Variants in GDF5 observed in about 807,000 individuals in gnomAD.
GDF5 encodes the protein growth differentiation factor 5, also known as growth/differentiation factor 5.
Under a neutral mutation model 34.6 loss-of-function variants are expected in GDF5, and 17 were observed. That is an observed-to-expected ratio of 0.49 (90% confidence interval 0.34 to 0.74). The LOEUF is 0.74. Ranked by LOEUF, GDF5 falls within the 30% of genes least tolerant of loss-of-function variation. The pLI is 0.01. For missense variants in GDF5, 616 were observed against 661.2 expected, an observed-to-expected ratio of 0.93 and a Z score of 0.75; for synonymous variants, 332 against 290.7, an observed-to-expected ratio of 1.14 and a Z score of -1.44.
At chr20:35,440,163 C>A (rs947689112), upstream of GDF5, among the ~76,000 whole-genome samples, 1 of 151,178 alleles carries the variant, frequency 6.6e-6, no homozygotes, top group South Asian at 2.1e-4. Context: ...GTGATCCACC[C>A]ACCTTGGCCT....
rs77547799 is a variant in GDF5, at chr20:35,452,971, C to G, written c.-398+1669G>C. Among the ~76,000 whole-genome samples the G allele has an allele frequency of 8.3e-3, 1,261 of 152,006 alleles. 21 individuals are homozygous for G. Among genetic ancestry groups the G allele is most frequent in the African/African-American group, 0.029 (1,189 of 41,452 alleles). Reference sequence around the variant, plus strand: ...TGCTATGAAAGAAACAGAAGACGGCCGGGTGCGGTGGCGCATGCCTGTAAT... The same window carrying G: ...TGCTATGAAAGAAACAGAAGACGGCGGGGTGCGGTGGCGCATGCCTGTAAT... On this transcript the variant is annotated intron_variant, in intron 1 of 3. Transcript: ENST00000374372.
At chr20:35,452,804 G>GATTC (rs1333937384) in intron 1 of GDF5, among the ~76,000 whole-genome samples, 1 of 152,206 alleles carries the variant, frequency 6.6e-6, no homozygotes, top group Admixed American at 6.5e-5. Flanking sequence ...GGGCTGACTT[G>GATTC]ATTCATTCAT....
At chr20:35,435,219 G>A (rs528673924) in intron 1 of GDF5, 97 of 353,224 alleles carry the variant, frequency 2.7e-4, no homozygotes, top group African/African-American at 1.9e-3. Context: ...GGGAGGCTGA[G>A]GTGGGTGGAT....
At chr20:35,446,743 GA>G (rs2062515285) in intron 1 of GDF5, among the ~76,000 whole-genome samples, 1 of 152,046 alleles carries the variant, frequency 6.6e-6, no homozygotes, top group Admixed American at 6.6e-5. Flanking sequence ...AAAGACGACC[GA>G]GCTAGAATTC....
intron 1 of GDF5, among the ~76,000 whole-genome samples, chr20:35,452,957 A>G (rs1454412817): frequency 6.6e-6 from 1 of 152,166 alleles, no homozygotes; most frequent in East Asian, 1.9e-4. Flanking sequence ...GCTATGAAAG[A>G]AACAGAAGAC....
chr20:35,435,263 C>A (rs1203757969), intron 1 of GDF5: 9 of 261,772 alleles, frequency 3.4e-5, no homozygotes, highest in Non-Finnish European at 6.0e-5. Flanking sequence ...CCAGCCTGCA[C>A]AACATGGTGA....
intron 1 of GDF5, among the ~76,000 whole-genome samples, chr20:35,436,685 A>G (rs1051893755): frequency 6.6e-6 from 1 of 152,254 alleles, no homozygotes; most frequent in Non-Finnish European, 1.5e-5. Flanking sequence ...GTCCAACCCC[A>G]TATAGGTGTA....
intron 1 of GDF5, among the ~76,000 whole-genome samples, chr20:35,436,275 C>T (rs1043178123): frequency 6.6e-6 from 1 of 152,246 alleles, no homozygotes; most frequent in African/African-American, 2.4e-5. Context: ...GCTGGGCAGG[C>T]AGCCAGACCA....
chr20:35,453,362 A>G (rs2146594175), intron 1 of GDF5, among the ~76,000 whole-genome samples: 1 of 152,370 alleles, frequency 6.6e-6, no homozygotes, highest in East Asian at 1.9e-4. Context: ...CCTGAAGGAC[A>G]GGAAGGTACC....
At position 35,437,771 on chromosome 20, in the gene GDF5, A is replaced by AG. The variant is rs778834209; in HGVS notation, c.157dup (p.Leu53ProfsTer41). 7 of 1,608,314 alleles carry AG rather than the reference A, an allele frequency of 4.4e-6. No homozygotes were observed. The highest frequency in any genetic ancestry group is 2.2e-5 in the East Asian group (1 of 44,778). ...CCCTGGCCTGAAGACGTTCCGGGCC[A>AG]GGGGGGGCCTCTCCTTGGCCTCTGC... On this transcript the variant is annotated frameshift_variant, in exon 1 of 2. Transcript: ENST00000374369. LOFTEE classifies it high-confidence loss of function.
chr20:35,450,003 AG>A (rs1427050922), intron 1 of GDF5, among the ~76,000 whole-genome samples: 5 of 149,140 alleles, frequency 3.4e-5, no homozygotes, highest in African/African-American at 1.2e-4. Context: ...AAAAAAAAAA[AG>A]AGAGAGAGAG....
chr20:35,444,372 G>A (rs2062507477), intron 1 of GDF5, among the ~76,000 whole-genome samples: 1 of 152,168 alleles, frequency 6.6e-6, no homozygotes, highest in Admixed American at 6.6e-5. Flanking sequence ...GTGAGAAAAC[G>A]AGACATACTG....
chr20:35,437,347 C>A lies in GDF5; in HGVS notation c.582G>T (p.Leu194Phe). 6 of 1,613,412 alleles carry A rather than the reference C, an allele frequency of 3.7e-6. No homozygotes were observed. Among genetic ancestry groups the A allele is most frequent in the Non-Finnish European group, 5.1e-6 (6 of 1,179,626 alleles). The change falls in exon 1 of 2, where the codon TTG becomes TTT. Residue 194 changes from leucine to phenylalanine, a missense_variant. Leu to Phe is a conservative substitution (Grantham distance 22, BLOSUM62 0). Transcript: ENST00000374369. ...DRKGGNSSVK[L>F]EAGLANTITS... is the part of the protein sequence containing the mutation. ...TGATGGTGTTGGCCAGGCCAGCCTC[C>A]AACTTCACGCTGCTGTTGCCTCCCT...
intron 1 of GDF5, among the ~76,000 whole-genome samples, chr20:35,451,042 GAAAAAAAAA>G (rs1157980088): frequency 0.016 from 268 of 16,516 alleles, 19 homozygotes; most frequent in African/African-American, 0.047. Context: ...TAGACTAACA[GAAAAAAAAA>G]AAAAAAAAAA....
At chr20:35,452,392 A>G (rs746836503) in intron 1 of GDF5, among the ~76,000 whole-genome samples, 9 of 152,214 alleles carry the variant, frequency 5.9e-5, no homozygotes, top group Non-Finnish European at 1.2e-4. Context: ...TTGGTTTGGT[A>G]TATCTTGGTA....
rs150002208 is a variant in GDF5 at position 35,437,627 on chromosome 20, G to A, written c.302C>T (p.Pro101Leu). ...KDEPKKLPPR[P>L]GGPEPKPGHP... ...TCCTGGCTTGGGTTCAGGGCCGCCCGGTCTGGGGGGCAGCTTTTTGGGTTC... is the reference window on the plus strand; with the variant it reads ...TCCTGGCTTGGGTTCAGGGCCGCCCAGTCTGGGGGGCAGCTTTTTGGGTTC... The change falls in exon 1 of 2, where the codon CCG (proline) becomes CTG (leucine). Residue 101 changes from proline (P) to leucine (L), a missense_variant. Transcript: ENST00000374369. 1.3e-4 allele frequency: 213 copies of A among 1,614,108 alleles called. No individual in the cohort carries two copies. Among genetic ancestry groups the A allele is most frequent in the Non-Finnish European group, 1.7e-4 (198 of 1,179,994 alleles).
rs1433908413 is a variant in GDF5, at chr20:35,447,084, AG to A, written c.-397-5698del. Among the ~76,000 whole-genome samples the A allele has an allele frequency of 1.5e-4, 23 of 152,210 alleles. No homozygotes were observed. The Middle Eastern group carries it at 0.014, about 90-fold the overall frequency. ...ATTTTTTTATTATACTTTAAGTTCT[AG>A]GGTACATGTGCACAATGTGAAGGTT... On this transcript the variant is annotated intron_variant, in intron 1 of 3. Transcript: ENST00000374372.
chr20:35,446,145 T>C (rs1185604193), intron 1 of GDF5, among the ~76,000 whole-genome samples: 1 of 151,622 alleles, frequency 6.6e-6, no homozygotes, highest in South Asian at 2.1e-4. Context: ...CCGTCTCTAC[T>C]AAAAATACAA....
chr20:35,452,869 G>A (rs892115439), intron 1 of GDF5, among the ~76,000 whole-genome samples: 3 of 150,102 alleles, frequency 2.0e-5, no homozygotes, highest in Non-Finnish European at 4.5e-5. Context: ...CTAAATCCCA[G>A]GAATAAGTCT....
Sources: gnomAD v4.1 joint callset for allele counts (sites outside exome capture counted in the v4.1 genomes callset) on GRCh38, gnomAD v4.1.1 for gene constraint, MANE v1.5 for transcripts, NCBI Gene and HGNC (gene_info 2026-07-23, HGNC 2026-07-21) for gene names.